The following CACNA1C variants were observed in gnomAD, a reference collection of about 807,000 sequenced individuals.
CACNA1C encodes the protein voltage-dependent L-type calcium channel subunit alpha-1C.
In CACNA1C, 30 loss-of-function variants were observed where a neutral mutation model predicts 229.0. The ratio of observed to expected loss-of-function variants is 0.13; its 90% CI spans 0.10 to 0.18. The LOEUF (loss-of-function observed/expected upper bound fraction) is 0.18, where lower values mean the gene tolerates loss of function less well. Ranked by LOEUF, CACNA1C falls within the 10% of genes least tolerant of loss-of-function variation. The probability of loss-of-function intolerance (pLI) is 1.00; values close to 1 mark genes in which losing one functional copy is unlikely to be tolerated. For missense variants in CACNA1C, 1,658 were observed against 2,845.0 expected (o/e 0.58, Z 9.49); for synonymous variants, 1,114 against 1,132.5 (o/e 0.98, Z 0.33).
At chr12:2,031,682 T>G (rs2048247376) in intron 1 of CACNA1C, among the ~76,000 whole-genome samples, 1 of 152,192 alleles carries the variant, frequency 6.6e-6, no homozygotes, top group Non-Finnish European at 1.5e-5. Context: ...ATTTTAAAAT[T>G]CTGATGCCCA....
intron 3 of CACNA1C, among the ~76,000 whole-genome samples, chr12:2,438,742 T>G (rs2099183901): frequency 1.3e-5 from 2 of 151,982 alleles, no homozygotes; most frequent in African/African-American, 4.8e-5. Context: ...TAAAACTCCC[T>G]AGGTGTCAAT....
chr12:2,274,977 G>A (rs986913631), intron 3 of CACNA1C, among the ~76,000 whole-genome samples: 1 of 152,190 alleles, frequency 6.6e-6, no homozygotes, highest in African/African-American at 2.4e-5. Flanking sequence ...GGCCTGCCCT[G>A]CACAAACCTT....
At chr12:2,652,708 G>A (rs369773748) in intron 32 of CACNA1C, among the ~76,000 whole-genome samples, 179 of 152,342 alleles carry the variant, frequency 1.2e-3, no homozygotes, top group East Asian at 8.9e-3. Context: ...CAAGGCTCTC[G>A]AGGGAGCTCC....
intron 21 of CACNA1C, among the ~76,000 whole-genome samples, chr12:2,599,358 G>A (rs1287420957): frequency 6.6e-6 from 1 of 152,218 alleles, no homozygotes; most frequent in African/African-American, 2.4e-5. Context: ...GTCCAAGGGG[G>A]ACATTTAGCA....
At chr12:2,078,434 C>T (rs184980946) in intron 1 of CACNA1C, among the ~76,000 whole-genome samples, 24 of 152,232 alleles carry the variant, frequency 1.6e-4, no homozygotes, top group Admixed American at 2.0e-4. Flanking sequence ...TATGCTACAA[C>T]GGGGATGAAC....
intron 3 of CACNA1C, among the ~76,000 whole-genome samples, chr12:2,218,178 C>T (rs1457527543): frequency 6.6e-6 from 1 of 152,188 alleles, no homozygotes; most frequent in South Asian, 2.1e-4. Context: ...CTCTAGCATC[C>T]TTTGCCTCTC....
At chr12:1,970,783 C>G (rs991021126), upstream of CACNA1C, 1 of 188,624 alleles carries the variant, frequency 5.3e-6, no homozygotes, top group Non-Finnish European at 1.1e-5. Context: ...GAGGCCCATC[C>G]CTACATAGGC....
intron 1 of CACNA1C, among the ~76,000 whole-genome samples, chr12:2,018,857 A>G (rs1011477849): frequency 1.3e-5 from 2 of 152,220 alleles, no homozygotes; most frequent in African/African-American, 4.8e-5. Flanking sequence ...TTACGATAAC[A>G]TTGGATTTTC....
At position 2,647,350 on chromosome 12, in the gene CACNA1C, G is replaced by A. The variant is rs1001271499; in HGVS notation, c.3913-1125G>A. ...CCAGATCCAGGCTCCAGGAACTCGG[G>A]GAGAGGGCTGGCCCTGGGATACTCA... is the stretch of plus-strand genomic sequence containing the variant. On this transcript the variant is annotated intron_variant, in intron 30 of 46. Transcript: ENST00000399655. The surrounding 1 kb of genome is among the most constrained non-coding windows in gnomAD (Gnocchi z 4.2). Among the ~76,000 whole-genome samples, 1 of 152,198 alleles carries A rather than the reference G, an allele frequency of 6.6e-6. No homozygotes were observed. Among genetic ancestry groups the A allele is most frequent in the Non-Finnish European group, 1.5e-5 (1 of 68,046 alleles).
chr12:2,197,658 C>A (rs1021414182), intron 3 of CACNA1C, among the ~76,000 whole-genome samples: 1 of 152,196 alleles, frequency 6.6e-6, no homozygotes, highest in South Asian at 2.1e-4. Flanking sequence ...GTCAGGACTT[C>A]CTTCCTTTCC....
intron 3 of CACNA1C, among the ~76,000 whole-genome samples, chr12:2,309,395 G>A (rs2154481547): frequency 6.6e-6 from 1 of 152,210 alleles, no homozygotes; most frequent in Middle Eastern, 3.4e-3. Context: ...GCAATCTAAT[G>A]TACAGCATGG....
At chr12:2,492,358 G>A (rs565405344) in intron 6 of CACNA1C, among the ~76,000 whole-genome samples, 8 of 152,248 alleles carry the variant, frequency 5.3e-5, no homozygotes, top group East Asian at 1.9e-4. Flanking sequence ...ACAAAGCCCC[G>A]TCCGTACTGA....
intron 42 of CACNA1C, 105 bp from the exon 43 acceptor site, chr12:2,682,445 C>T (rs1173947585): frequency 1.1e-5 from 15 of 1,328,258 alleles, no homozygotes; most frequent in South Asian, 4.1e-5. Flanking sequence ...TGTTTGTGCA[C>T]GTGTGTACAC....
chr12:2,606,523 T>C (rs2153430658), intron 24 of CACNA1C, 88 bp from the exon 25 acceptor site: 2 of 1,059,732 alleles, frequency 1.9e-6, no homozygotes, highest in Middle Eastern at 4.0e-4. Context: ...CCTAGCACAG[T>C]GCTGGGCTAT....
chr12:2,523,594 C>T (rs966196715), intron 9 of CACNA1C, among the ~76,000 whole-genome samples: 1 of 152,194 alleles, frequency 6.6e-6, no homozygotes, highest in Non-Finnish European at 1.5e-5. Context: ...GGGGGGATCA[C>T]TGACACGTGG....
intron 3 of CACNA1C, among the ~76,000 whole-genome samples, chr12:2,326,985 G>T (rs2096330647): frequency 6.6e-6 from 1 of 152,162 alleles, no homozygotes; most frequent in African/African-American, 2.4e-5. Context: ...TTACCCTCTA[G>T]TATTCATTCT....
At chr12:2,301,250 G>C (rs944455753) in intron 3 of CACNA1C, among the ~76,000 whole-genome samples, 1 of 152,216 alleles carries the variant, frequency 6.6e-6, no homozygotes, top group Non-Finnish European at 1.5e-5. Flanking sequence ...CCATCGCTTA[G>C]AGGGTATCGG....
chr12:2,197,501 T>C (rs1459829952), intron 3 of CACNA1C, among the ~76,000 whole-genome samples: 2 of 152,236 alleles, frequency 1.3e-5, no homozygotes, highest in Non-Finnish European at 2.9e-5. Context: ...TATTATTATG[T>C]AATAAAGCCC....
At chr12:2,621,380 G>A (rs1194839355) in intron 29 of CACNA1C, among the ~76,000 whole-genome samples, 1 of 152,142 alleles carries the variant, frequency 6.6e-6, no homozygotes. Context: ...GAAGAGCAAA[G>A]ACCCCGAGGC....
Sources: gnomAD v4.1 joint callset for allele counts (sites outside exome capture counted in the v4.1 genomes callset) on GRCh38, gnomAD v4.1.1 for gene constraint, Gnocchi (gnomAD v3.1) non-coding constraint, MANE v1.5 for transcripts, NCBI Gene and HGNC (gene_info 2026-07-23, HGNC 2026-07-21) for gene names.